KDM4E: variants seen among roughly 807,000 people sequenced by gnomAD.
KDM4E encodes lysine-specific demethylase 4E.
For synonymous variants in KDM4E, 229 were observed against 232.9 expected (o/e 0.98, Z 0.15); for missense variants, 576 against 642.6 (o/e 0.90, Z 1.12).
In KDM4E at chr11:95,027,271, A is replaced by T. The variant is rs1472600957; in HGVS notation, c.*193A>T. 1 of 787,738 alleles carries T rather than the reference A, an allele frequency of 1.3e-6. No individual in the cohort carries two copies. Among genetic ancestry groups the T allele is most frequent in the Non-Finnish European group, 2.0e-6 (1 of 512,464 alleles). 48.8% of individuals were successfully genotyped at this position (787,738 alleles called of 1,614,324 possible). A position where few individuals can be genotyped will look rare whatever the true frequency, so the allele number is the denominator to read the frequency against. On this transcript the variant is annotated 3_prime_UTR_variant, in exon 1 of 1. Coordinates refer to ENST00000450979, the MANE Select transcript of KDM4E (RefSeq NM_001161630.1). ...CCCAATGTCATTGTGCCTTTGATTA[A>T]GTTTTCCAGGGACACTGGTGGGGAC... is the stretch of plus-strand genomic sequence containing the variant.
Position 95,026,259 on chromosome 11 carries a change from C to T in KDM4E, c.702C>T (p.Gly234=). The T allele has an allele frequency of 2.8e-5, 46 of 1,614,120 alleles. No homozygotes were observed. Among genetic ancestry groups the T allele is most frequent in the Non-Finnish European group, 3.8e-5 (45 of 1,180,014 alleles). ...ARELFPDISR[G]CEAFLRHKVA... ...AGCTCTTCCCAGACATTTCTCGGGG[C>T]TGTGAGGCCTTCCTGCGGCACAAAG... The change falls in exon 1 of 1, where the codon GGC becomes GGT. Residue 234 remains glycine, a synonymous_variant. Coordinates refer to ENST00000450979, the MANE Select transcript of KDM4E (RefSeq NM_001161630.1).
In KDM4E at chr11:95,026,655, A is replaced by G. The variant is rs1555102976; in HGVS notation, c.1098A>G (p.Arg366=). ...GGAGAGATGATATAGTACTTAGAAG[A>G]GCTGCTCTGGGCCTGAGGCTTCTCC... The part of the protein sequence containing the change: ...SNWRDDIVLR[R]AALGLRLLPN... The change falls in exon 1 of 1, where the codon AGA becomes AGG. Residue 366 remains arginine, a synonymous_variant. Coordinates refer to ENST00000450979, the MANE Select transcript of KDM4E (RefSeq NM_001161630.1). The G allele has an allele frequency of 6.5e-7, 1 of 1,537,214 alleles. No homozygotes were observed. The highest frequency in any genetic ancestry group is 1.2e-5 in the South Asian group (1 of 84,070).
Position 95,027,172 on chromosome 11 carries a change from TG to T in KDM4E, c.*95del. 6.8e-7 allele frequency: 1 copy of T among 1,465,180 alleles called. No homozygotes were observed. The highest frequency in any genetic ancestry group is 1.4e-5 in the South Asian group (1 of 72,226). 90.8% of individuals were successfully genotyped at this position (1,465,180 alleles called of 1,614,324 possible). A position where few individuals can be genotyped will look rare whatever the true frequency, so the allele number is the denominator to read the frequency against. On this transcript the variant is annotated 3_prime_UTR_variant, in exon 1 of 1. Transcript: ENST00000450979. ...CCCCCACTGGATCGTGATGAAACCA[TG>T]CACCCTGGCCTGTGCCTGCTATCCC...
At position 95,026,679 on chromosome 11, in the gene KDM4E, C is replaced by G; in HGVS notation, c.1122C>G (p.Leu374=). 5.9e-6 allele frequency: 9 copies of G among 1,537,214 alleles called. No individual in the cohort carries two copies. Among genetic ancestry groups the G allele is most frequent in the African/African-American group, 1.4e-5 (1 of 73,160 alleles). ...LRRAALGLRL[L]PNLTAQCPTQ... Reference sequence around the variant, plus strand: ...GAGCTGCTCTGGGCCTGAGGCTTCTCCCAAACCTCACAGCCCAGTGTCCCA... The same window carrying G: ...GAGCTGCTCTGGGCCTGAGGCTTCTGCCAAACCTCACAGCCCAGTGTCCCA... The change falls in exon 1 of 1, where the codon CTC becomes CTG. Residue 374 remains leucine, a synonymous_variant. Coordinates refer to ENST00000450979, the MANE Select transcript of KDM4E (RefSeq NM_001161630.1).
chr11:95,026,223 C>A lies in KDM4E; in HGVS notation c.666C>A (p.Arg222=). 1.9e-6 allele frequency: 3 copies of A among 1,614,118 alleles called. No individual in the cohort carries two copies. The highest frequency in any genetic ancestry group is 2.5e-6 in the Non-Finnish European group (3 of 1,180,030). Residue 222 remains arginine (R), a synonymous_variant, in exon 1 of 1, where the codon CGC becomes CGA. Transcript: ENST00000450979. ...VPPEHGQHLE[R]LARELFPDIS... Reference sequence around the variant, plus strand: ...CAGAACATGGTCAGCACCTGGAACGCCTGGCCAGGGAGCTCTTCCCAGACA... The same window carrying A: ...CAGAACATGGTCAGCACCTGGAACGACTGGCCAGGGAGCTCTTCCCAGACA...
At position 95,026,413 on chromosome 11, in the gene KDM4E, T is replaced by C. The variant is rs201662151; in HGVS notation, c.856T>C (p.Cys286Arg). 55 of 1,613,190 alleles carry C rather than the reference T, an allele frequency of 3.4e-5. No individual in the cohort carries two copies. In the East Asian group the frequency reaches 7.1e-4, roughly 21 times the overall value. ...TGCTGGCTTCAATCACGGCTTCAAC[T>C]GCGCAGAAGCCATTAATTTTGCCAC... ...YHAGFNHGFN[C>R]AEAINFATPR... The change falls in exon 1 of 1, where the codon TGC becomes CGC. Residue 286 changes from cysteine to arginine, a missense_variant. By Grantham distance (180) the Cys-to-Arg change is radical. Transcript: ENST00000450979.
At position 95,026,911 on chromosome 11, in the gene KDM4E, A is replaced by G. The variant is rs62648079; in HGVS notation, c.1354A>G (p.Ser452Gly). The G allele has an allele frequency of 3.9e-4, 601 of 1,537,130 alleles. 1 individual carries two copies. In the African/African-American group the frequency reaches 7.5e-3, roughly 19 times the overall value. ...TGGTCAAGGTCAAGGTCGAGGTTGC[A>G]GTCGTGGTCGTGGTCATGGTTGTTG... is the stretch of plus-strand genomic sequence containing the variant. ...GRGQGQGRGCSRGRGHGCCTR... is the reference protein window; with the variant it reads ...GRGQGQGRGCGRGRGHGCCTR... Residue 452 changes from serine (S) to glycine (G), a missense_variant, in exon 1 of 1, where the codon AGT (serine) becomes GGT (glycine). By Grantham distance (56) the Ser-to-Gly change is moderately conservative. Transcript: ENST00000450979.
Position 95,026,111 on chromosome 11 carries a change from C to T in KDM4E, c.554C>T (p.Thr185Met), listed in dbSNP as rs782724994. 6.2e-6 allele frequency: 10 copies of T among 1,614,046 alleles called. No homozygotes were observed. The highest frequency in any genetic ancestry group is 8.5e-6 in the Non-Finnish European group (10 of 1,179,966). ...PYLYFGMWKT[T>M]FAWHTEDMDL... ...CTGTACTTTGGCATGTGGAAGACCACGTTTGCCTGGCACACAGAGGACATG... is the reference window on the plus strand; with the variant it reads ...CTGTACTTTGGCATGTGGAAGACCATGTTTGCCTGGCACACAGAGGACATG... Residue 185 changes from threonine to methionine, a missense_variant, in exon 1 of 1, where the codon ACG becomes ATG. Thr to Met is a moderately conservative substitution (Grantham distance 81, BLOSUM62 -1). Coordinates refer to ENST00000450979, the MANE Select transcript of KDM4E (RefSeq NM_001161630.1).
At position 95,026,337 on chromosome 11, in the gene KDM4E, C is replaced by A. The variant is rs1555102830; in HGVS notation, c.780C>A (p.Cys260Ter). 6.2e-7 allele frequency: 1 copy of A among 1,613,992 alleles called. No individual in the cohort carries two copies. ...VLKENGIPFN[C>*]MTQEAGEFMV... is the part of the protein sequence containing the mutation. The stretch of plus-strand genomic sequence containing the variant: ...AGGAAAATGGGATTCCCTTCAATTG[C>A]ATGACTCAGGAGGCTGGGGAGTTCA... Residue 260 changes from cysteine (C) to a stop codon, truncating the protein, a stop_gained, in exon 1 of 1, where the codon TGC becomes TGA. Transcript: ENST00000450979. LOFTEE classifies it low-confidence loss of function (END_TRUNC).
At position 95,026,316 on chromosome 11, in the gene KDM4E, A is replaced by AAG; in HGVS notation, c.760_761insGA (p.Asn254ArgfsTer9). 4.3e-6 allele frequency: 7 copies of AAG among 1,614,036 alleles called. No homozygotes were observed. The highest frequency in any genetic ancestry group is 1.3e-5 in the African/African-American group (1 of 75,044). On this transcript the variant is annotated frameshift_variant, in exon 1 of 1. Coordinates refer to ENST00000450979, the MANE Select transcript of KDM4E (RefSeq NM_001161630.1). LOFTEE classifies it low-confidence loss of function (END_TRUNC). The stretch of plus-strand genomic sequence containing the variant: ...TCATCTCGCCTACAGTTCTCAAGGA[A>AAG]AATGGGATTCCCTTCAATTGCATGA...
rs782026263 is a variant in KDM4E, at chr11:95,026,493, G to A, written c.936G>A (p.Ser312=). 6.9e-6 allele frequency: 11 copies of A among 1,597,120 alleles called. No individual in the cohort carries two copies. Among genetic ancestry groups the A allele is most frequent in the East Asian group, 4.5e-5 (2 of 44,790 alleles). The change falls in exon 1 of 1, where the codon TCG becomes TCA. Residue 312 remains serine (S), a synonymous_variant. Transcript: ENST00000450979. ...CCTCTCAGTGTAGCTGTGGGGAGTC[G>A]ACAGTGACCTTTTCCATGGACCCCT... ...KMASQCSCGE[S]TVTFSMDPFV... is the part of the protein sequence containing the mutation.
Position 95,027,249 on chromosome 11 carries a change from A to C in KDM4E, c.*171A>C. 1.1e-6 allele frequency: 1 copy of C among 913,790 alleles called. No individual in the cohort carries two copies. Among genetic ancestry groups the C allele is most frequent in the Non-Finnish European group, 1.6e-6 (1 of 625,876 alleles). The allele number at this position is 913,790 out of a possible 1,614,324, so 56.6% of individuals were successfully genotyped here. ...TGATGTTGTCTGCATGACTCCTCCC[A>C]ATGTCATTGTGCCTTTGATTAAGTT... On this transcript the variant is annotated 3_prime_UTR_variant, in exon 1 of 1. Coordinates refer to ENST00000450979, the MANE Select transcript of KDM4E (RefSeq NM_001161630.1).
rs782175580 is a variant in KDM4E at position 95,026,893 on chromosome 11, G to A, written c.1336G>A (p.Gly446Ser). Residue 446 changes from glycine (G) to serine (S), a missense_variant, in exon 1 of 1, where the codon GGT becomes AGT. Coordinates refer to ENST00000450979, the MANE Select transcript of KDM4E (RefSeq NM_001161630.1). ...GSGRGRGRGQ[G>S]QGRGCSRGRG... ...TGGTCGTGGTCGTGGTCGTGGTCAA[G>A]GTCAAGGTCGAGGTTGCAGTCGTGG... 6.5e-7 allele frequency: 1 copy of A among 1,537,152 alleles called. No homozygotes were observed.
Position 95,026,822 on chromosome 11 carries a change from G to A in KDM4E, c.1265G>A (p.Gly422Glu), listed in dbSNP as rs782721546. 3 of 1,537,214 alleles carry A rather than the reference G, an allele frequency of 2.0e-6. No homozygotes were observed. Among genetic ancestry groups the A allele is most frequent in the Non-Finnish European group, 1.7e-6 (2 of 1,146,902 alleles). Residue 422 changes from glycine (G) to glutamate (E), a missense_variant, in exon 1 of 1, where the codon GGG becomes GAG. Gly to Glu is a moderately conservative substitution (Grantham distance 98). Coordinates refer to ENST00000450979, the MANE Select transcript of KDM4E (RefSeq NM_001161630.1). ...YHTQTQSLTL[G>E]MSARVLLPST... ...ACCCAGACCCAGTCACTTACCCTGG[G>A]GATGTCAGCCAGGGTTCTTCTCCCT...
In KDM4E at chr11:95,026,181, T is replaced by C; in HGVS notation, c.624T>C (p.Thr208=). Reference sequence around the variant, plus strand: ...ACCTGCACTTTGGGGAGCCCAAAACTTGGTACGTGGTGCCCCCAGAACATG... The same window carrying C: ...ACCTGCACTTTGGGGAGCCCAAAACCTGGTACGTGGTGCCCCCAGAACATG... The part of the protein sequence containing the change: ...INYLHFGEPK[T]WYVVPPEHGQ... Residue 208 remains threonine, a synonymous_variant, in exon 1 of 1, where the codon ACT becomes ACC. Coordinates refer to ENST00000450979, the MANE Select transcript of KDM4E (RefSeq NM_001161630.1). The C allele has an allele frequency of 3.7e-6, 6 of 1,614,044 alleles. No homozygotes were observed. The highest frequency in any genetic ancestry group is 5.1e-6 in the Non-Finnish European group (6 of 1,180,008).
chr11:95,025,869 T>G lies in KDM4E; in HGVS notation c.312T>G (p.Ser104Arg). ...GGCAGTATCGCCGCTTGGCAAACAG[T>G]AAAAAATATCAGACTCCGCCACACC... Reference protein sequence around the residue: ...RVGQYRRLANSKKYQTPPHQN... With the variant: ...RVGQYRRLANRKKYQTPPHQN... The change falls in exon 1 of 1, where the codon AGT (serine) becomes AGG (arginine). Residue 104 changes from serine (S) to arginine (R), a missense_variant. Coordinates refer to ENST00000450979, the MANE Select transcript of KDM4E (RefSeq NM_001161630.1). 1 of 1,593,790 alleles carries G rather than the reference T, an allele frequency of 6.3e-7. No individual in the cohort carries two copies. Among genetic ancestry groups the G allele is most frequent in the Non-Finnish European group, 8.5e-7 (1 of 1,175,668 alleles).
At position 95,026,744 on chromosome 11, in the gene KDM4E, G is replaced by T. The variant is rs1322237942; in HGVS notation, c.1187G>T (p.Gly396Val). 6.5e-7 allele frequency: 1 copy of T among 1,537,136 alleles called. No individual in the cohort carries two copies. The highest frequency in any genetic ancestry group is 1.4e-5 in the African/African-American group (1 of 73,028). Residue 396 changes from glycine (G) to valine (V), a missense_variant, in exon 1 of 1, where the codon GGC becomes GTC. Transcript: ENST00000450979. Reference protein sequence around the residue: ...VSSGHCYNPKGCGTDAVPGSA... With the variant: ...VSSGHCYNPKVCGTDAVPGSA... ...TCAGGGCACTGTTACAACCCAAAAG[G>T]CTGTGGCACTGATGCTGTGCCTGGA...
At position 95,026,655 on chromosome 11, in the gene KDM4E, A is replaced by T; in HGVS notation, c.1098A>T (p.Arg366Ser). 6.5e-7 allele frequency: 1 copy of T among 1,537,214 alleles called. No individual in the cohort carries two copies. Among genetic ancestry groups the T allele is most frequent in the Non-Finnish European group, 8.7e-7 (1 of 1,146,900 alleles). Reference sequence around the variant, plus strand: ...GGAGAGATGATATAGTACTTAGAAGAGCTGCTCTGGGCCTGAGGCTTCTCC... The same window carrying T: ...GGAGAGATGATATAGTACTTAGAAGTGCTGCTCTGGGCCTGAGGCTTCTCC... ...SNWRDDIVLRRAALGLRLLPN... is the reference protein window; with the variant it reads ...SNWRDDIVLRSAALGLRLLPN... Residue 366 changes from arginine (R) to serine (S), a missense_variant, in exon 1 of 1, where the codon AGA becomes AGT. Arg to Ser is a moderately radical substitution (Grantham distance 110). Transcript: ENST00000450979.
chr11:95,025,660 A>G lies in KDM4E; in HGVS notation c.103A>G (p.Met35Val). Residue 35 changes from methionine to valine, a missense_variant, in exon 1 of 1, where the codon ATG (methionine) becomes GTG (valine). By Grantham distance (21) the Met-to-Val change is conservative. Coordinates refer to ENST00000450979, the MANE Select transcript of KDM4E (RefSeq NM_001161630.1). ...AGATTTCAACACATATGTTGCTTAC[A>G]TGGAGTCCCAAGGCGCACATCAAGC... Reference protein sequence around the residue: ...FADFNTYVAYMESQGAHQAGL... With the variant: ...FADFNTYVAYVESQGAHQAGL... 1 of 1,543,908 alleles carries G rather than the reference A, an allele frequency of 6.5e-7. No homozygotes were observed. The highest frequency in any genetic ancestry group is 8.7e-7 in the Non-Finnish European group (1 of 1,150,076).
Sources: allele counts gnomAD v4.1 joint callset, GRCh38; gene constraint gnomAD v4.1.1; transcripts MANE v1.5; gene names NCBI Gene and HGNC (gene_info 2026-07-23, HGNC 2026-07-21).